Variants in SLC25A24 observed in about 807,000 individuals in gnomAD.
The protein encoded by SLC25A24 is solute carrier family 25 member 24, also known as mitochondrial adenyl nucleotide antiporter SLC25A24.
In SLC25A24, 49 loss-of-function variants were observed where a neutral mutation model predicts 60.7. That is an observed-to-expected ratio of 0.81 (90% CI 0.64 to 1.02). SLC25A24 has a LOEUF of 1.02. SLC25A24 is among the 50% of genes least tolerant of loss of function. SLC25A24 has a pLI of 0.00. For missense variants in SLC25A24, 564 were observed against 586.3 expected (o/e 0.96, Z 0.39); for synonymous variants, 202 against 200.6 (o/e 1.01, Z -0.06).
At chr1:108,195,587 C>T (rs1648470389) in intron 1 of SLC25A24, among the ~76,000 whole-genome samples, 1 of 152,100 alleles carries the variant, frequency 6.6e-6, no homozygotes, top group Non-Finnish European at 1.5e-5. Context: ...GTTGGAATTC[C>T]ATTGTTTTTC....
chr1:108,159,428 A>AGG (rs1187207632), intron 4 of SLC25A24, among the ~76,000 whole-genome samples: 1 of 151,676 alleles, frequency 6.6e-6, no homozygotes, highest in African/African-American at 2.4e-5. Context: ...TACTTCTTCC[A>AGG]AGTTTTCAGA....
intron 3 of SLC25A24, among the ~76,000 whole-genome samples, chr1:108,174,411 T>A (rs1647593964): frequency 6.6e-6 from 1 of 152,096 alleles, no homozygotes; most frequent in South Asian, 2.1e-4. Context: ...AGGTTTGAGA[T>A]CCTCTGCCTA....
At chr1:108,192,272 G>T (rs1648367476) in intron 1 of SLC25A24, among the ~76,000 whole-genome samples, 1 of 139,596 alleles carries the variant, frequency 7.2e-6, no homozygotes, top group Non-Finnish European at 1.6e-5. Flanking sequence ...GCAATCTGAA[G>T]TTGGAGATTT....
chr1:108,178,572 T>C (rs966381461), intron 3 of SLC25A24, among the ~76,000 whole-genome samples: 1 of 152,146 alleles, frequency 6.6e-6, no homozygotes, highest in Non-Finnish European at 1.5e-5. Context: ...CCTAGCACTC[T>C]GGGAGGCCGA....
At chr1:108,161,063 T>C (rs968519273) in intron 4 of SLC25A24, 119 bp downstream of exon 4, 11 of 598,194 alleles carry the variant, frequency 1.8e-5, no homozygotes, top group Non-Finnish European at 3.3e-5. Context: ...ACTCTACAGG[T>C]TAAGGAGCTA....
chr1:108,185,812 C>CA lies in SLC25A24; in HGVS notation c.310+15dup. 2 of 1,571,692 alleles carry CA rather than the reference C, an allele frequency of 1.3e-6. No individual in the cohort carries two copies. The highest frequency in any genetic ancestry group is 1.7e-6 in the Non-Finnish European group (2 of 1,150,312). On this transcript the variant is annotated intron_variant, in intron 2 of 9. Transcript: ENST00000565488. The stretch of plus-strand genomic sequence containing the variant: ...GCTTCTTCATAGCTGGTGATAAATA[C>CA]AAAAGAAAGACACACCATCATTATT...
chr1:108,153,978 A>G (rs1679819356), intron 6 of SLC25A24, among the ~76,000 whole-genome samples: 1 of 152,152 alleles, frequency 6.6e-6, no homozygotes, highest in Admixed American at 6.5e-5. Context: ...TTAGCCCTTA[A>G]TAATCATGAT....
At chr1:108,176,872 G>A (rs919770185) in intron 3 of SLC25A24, among the ~76,000 whole-genome samples, 3 of 152,074 alleles carry the variant, frequency 2.0e-5, no homozygotes, top group African/African-American at 7.2e-5. Flanking sequence ...AAACGTAAAA[G>A]GAGCTCCTCA....
At position 108,138,226 on chromosome 1, in the gene SLC25A24, C is replaced by T. The variant is rs1679341141; in HGVS notation, c.1249+832G>A. Among the ~76,000 whole-genome samples, 3 of 152,194 alleles carry T rather than the reference C, an allele frequency of 2.0e-5. No individual in the cohort carries two copies. The South Asian group carries it at 6.2e-4, about 32-fold the overall frequency. On this transcript the variant is annotated intron_variant, in intron 9 of 9. Coordinates refer to ENST00000565488, the MANE Select transcript of SLC25A24 (RefSeq NM_013386.5). ...ACACCTGACTTGTTGACTGCTCTAC[C>T]CCTAGCATCTGGCAGTGTCTAGAAT...
chr1:108,161,251 C>A lies in SLC25A24; in HGVS notation c.441G>T (p.Trp147Cys). ...DGTMTVDWNE[W>C]RDYFLFNPVT... Reference sequence around the variant, plus strand: ...CAGGATTAAATAAGAAGTAGTCTCTCCATTCATTCCAGTCCACTGTCATTG... The same window carrying A: ...CAGGATTAAATAAGAAGTAGTCTCTACATTCATTCCAGTCCACTGTCATTG... The change falls in exon 4 of 10, where the codon TGG becomes TGT. Residue 147 changes from tryptophan (W) to cysteine (C), a missense_variant. Trp to Cys is a radical substitution (Grantham distance 215). Transcript: ENST00000565488. 1 of 1,604,528 alleles carries A rather than the reference C, an allele frequency of 6.2e-7. No individual in the cohort carries two copies. Among genetic ancestry groups the A allele is most frequent in the South Asian group, 1.1e-5 (1 of 90,354 alleles).
At chr1:108,140,378 C>T (rs549615600) in intron 8 of SLC25A24, among the ~76,000 whole-genome samples, 5 of 152,068 alleles carry the variant, frequency 3.3e-5, no homozygotes, top group Non-Finnish European at 7.4e-5. Context: ...ACCACTAGAC[C>T]GGCCCTACAA....
Position 108,135,794 on chromosome 1 carries a change from G to A in SLC25A24, c.*859C>T, listed in dbSNP as rs987969095. 2.0e-5 allele frequency: 3 copies of A among 152,602 alleles called. No homozygotes were observed. The highest frequency in any genetic ancestry group is 4.4e-5 in the Non-Finnish European group (3 of 68,030). The allele number at this position is 152,602 out of a possible 1,614,324, so 9.5% of individuals were successfully genotyped here. A position where few individuals can be genotyped will look rare whatever the true frequency, so the allele number is the denominator to read the frequency against. Reference sequence around the variant, plus strand: ...TAAAAAAGAAATTTCAGGTTACTAAGAATGGTCCCAAGAAGTCTTCCTGAC... The same window carrying A: ...TAAAAAAGAAATTTCAGGTTACTAAAAATGGTCCCAAGAAGTCTTCCTGAC... On this transcript the variant is annotated 3_prime_UTR_variant, in exon 10 of 10. Coordinates refer to ENST00000565488, the MANE Select transcript of SLC25A24 (RefSeq NM_013386.5).
rs57513025 is a variant in SLC25A24, at chr1:108,187,927, G to GAT, written c.184-1975_184-1974dup. ...TACACGAAATGGATAAGACATTATA[G>GAT]ATATATATATATATATATTCATGCA... is the stretch of plus-strand genomic sequence containing the variant. On this transcript the variant is annotated intron_variant, in intron 1 of 9. Transcript: ENST00000565488. Among the ~76,000 whole-genome samples, 430 of 95,756 alleles carry GAT rather than the reference G, an allele frequency of 4.5e-3. 36 individuals are homozygous for GAT. Among genetic ancestry groups the GAT allele is most frequent in the African/African-American group, 0.015 (371 of 24,036 alleles). 62.8% of individuals were successfully genotyped at this position (95,756 alleles called of 152,430 possible).
intron 6 of SLC25A24, among the ~76,000 whole-genome samples, chr1:108,153,477 G>T (rs2101609790): frequency 6.6e-6 from 1 of 152,290 alleles, no homozygotes; most frequent in East Asian, 1.9e-4. Context: ...GGGATATTCT[G>T]CAATTCAGCA....
At chr1:108,176,226 T>C (rs1647669764) in intron 3 of SLC25A24, among the ~76,000 whole-genome samples, 2 of 150,396 alleles carry the variant, frequency 1.3e-5, no homozygotes, top group Admixed American at 6.6e-5. Flanking sequence ...AAAAATACAA[T>C]GAACAAAATT....
intron 1 of SLC25A24, among the ~76,000 whole-genome samples, chr1:108,190,338 A>AG (rs1204140242): frequency 6.6e-6 from 1 of 152,168 alleles, no homozygotes; most frequent in Non-Finnish European, 1.5e-5. Flanking sequence ...GAAAAAAATT[A>AG]GGGGGGCTGT....
intron 3 of SLC25A24, among the ~76,000 whole-genome samples, chr1:108,178,808 G>A (rs1247079683): frequency 2.7e-5 from 4 of 150,898 alleles, no homozygotes; most frequent in Admixed American, 6.6e-5. Flanking sequence ...GTGAGACTCC[G>A]TCTCAAAAAA....
chr1:108,169,500 A>T (rs1339652709), intron 3 of SLC25A24, among the ~76,000 whole-genome samples: 1 of 152,152 alleles, frequency 6.6e-6, no homozygotes. Context: ...AAAATGGCTG[A>T]TTCAGTTTGC....
intron 3 of SLC25A24, among the ~76,000 whole-genome samples, chr1:108,171,167 CCT>C (rs1271955069): frequency 6.6e-6 from 1 of 151,944 alleles, no homozygotes; most frequent in Non-Finnish European, 1.5e-5. Flanking sequence ...TTCTTTCCCC[CCT>C]GATTTGGAAG....
Sources: allele counts gnomAD v4.1 joint callset (sites outside exome capture counted in the v4.1 genomes callset), GRCh38; gene constraint gnomAD v4.1.1; transcripts MANE v1.5; gene names NCBI Gene and HGNC (gene_info 2026-07-23, HGNC 2026-07-21).